Variants in UGGT1 observed in about 807,000 individuals in gnomAD.
UGGT1 encodes UDP-glucose glycoprotein glucosyltransferase 1.
A neutral mutation model predicts 203.9 loss-of-function variants in UGGT1; 107 were observed. That is an observed-to-expected ratio of 0.52 (90% CI 0.45 to 0.62). The LOEUF is 0.62. Among genes scored for constraint, UGGT1 ranks in the 20% least tolerant of loss-of-function variants. UGGT1 has a pLI of 0.00. For missense variants in UGGT1, 1,673 were observed against 1,867.2 expected, an observed-to-expected ratio of 0.90 and a Z score of 1.92; for synonymous variants, 628 against 653.5, an observed-to-expected ratio of 0.96 and a Z score of 0.59.
chr2:128,192,805 T>A lies in UGGT1; in HGVS notation c.*3063T>A, dbSNP rs1692330862. On this transcript the variant is annotated 3_prime_UTR_variant, in exon 41 of 41. Coordinates refer to ENST00000259253, the MANE Select transcript of UGGT1 (RefSeq NM_020120.4). ...ACATCTGTCATTGTTGCATTTCGAA[T>A]TGAACACATAGATGCTTGCCTGTCT... 1 of 152,090 alleles carries A rather than the reference T, an allele frequency of 6.6e-6. No homozygotes were observed. Among genetic ancestry groups the A allele is most frequent in the South Asian group, 2.1e-4 (1 of 4,830 alleles). 9.4% of individuals were successfully genotyped at this position (152,090 alleles called of 1,614,324 possible).
intron 13 of UGGT1, among the ~76,000 whole-genome samples, chr2:128,132,717 G>C (rs1385448307): frequency 6.6e-6 from 1 of 151,650 alleles, no homozygotes; most frequent in East Asian, 1.9e-4. Flanking sequence ...TATCTTTTTT[G>C]TTTGTTTTTT....
chr2:128,162,013 CTT>C (rs1690549928), intron 25 of UGGT1, among the ~76,000 whole-genome samples: 2 of 152,108 alleles, frequency 1.3e-5, no homozygotes, highest in African/African-American at 4.8e-5. Flanking sequence ...CCTCACAACA[CTT>C]GTAATTTTCT....
Position 128,096,182 on chromosome 2 carries a change from A to T in UGGT1, c.59-1247A>T, listed in dbSNP as rs568980320. ...AGAGGCCTGCATTCTGTGGCCATCC[A>T]CTTTGCCAGTGACCCTAGATCCCTC... On this transcript the variant is annotated intron_variant, in intron 1 of 40. Coordinates refer to ENST00000259253, the MANE Select transcript of UGGT1 (RefSeq NM_020120.4). Among the ~76,000 whole-genome samples, 273 of 152,292 alleles carry T rather than the reference A, an allele frequency of 1.8e-3. 1 individual carries two copies. Among genetic ancestry groups the T allele is most frequent in the Middle Eastern group, 6.8e-3 (2 of 294 alleles).
chr2:128,125,661 T>A (rs1688566162), intron 11 of UGGT1, among the ~76,000 whole-genome samples: 1 of 152,236 alleles, frequency 6.6e-6, no homozygotes, highest in Non-Finnish European at 1.5e-5. Flanking sequence ...TTATGTTCAA[T>A]TCACTATCTT....
intron 21 of UGGT1, 126 bp downstream of exon 21, chr2:128,156,541 T>C: frequency 1.5e-6 from 1 of 665,242 alleles, no homozygotes; most frequent in South Asian, 2.1e-5. Context: ...CAGGAAGCTA[T>C]ATCAATGTAG....
intron 8 of UGGT1, among the ~76,000 whole-genome samples, chr2:128,118,332 C>G (rs1178735643): frequency 1.3e-5 from 2 of 152,140 alleles, no homozygotes; most frequent in Non-Finnish European, 2.9e-5. Context: ...GTGGCACAAT[C>G]ACGGCTCACT....
At position 128,174,798 on chromosome 2, in the gene UGGT1, C is replaced by T. The variant is rs566613773; in HGVS notation, c.3479C>T (p.Pro1160Leu). ...GGCTACTTTCAGCTGAAAGCCAACC[C>T]AGGAGCTTGGATCCTCAGACTTAGG... ...NLGYFQLKAN[P>L]GAWILRLRKG... The change falls in exon 31 of 41, where the codon CCA (proline) becomes CTA (leucine). Residue 1160 changes from proline (P) to leucine (L), a missense_variant. By Grantham distance (98) the Pro-to-Leu change is moderately conservative (BLOSUM62 -3). This residue lies in a region of UGGT1 where 513 missense variants were observed against 684.1 expected (regional missense o/e 0.75). Transcript: ENST00000259253. 1.2e-5 allele frequency: 20 copies of T among 1,613,812 alleles called. No homozygotes were observed. The African/African-American group carries it at 1.6e-4, about 13-fold the overall frequency.
At position 128,180,762 on chromosome 2, in the gene UGGT1, C is replaced by CTT. The variant is rs1338752425; in HGVS notation, c.3901-126_3901-125dup. On this transcript the variant is annotated intron_variant, in intron 35 of 40. Transcript: ENST00000259253. ...TAGTCATGAGTGGGTCACGGCCGGT[C>CTT]TTTGTAAGACCACTGTTTTGGTAAA... The CTT allele has an allele frequency of 1.4e-5, 14 of 969,154 alleles. No individual in the cohort carries two copies. The South Asian group carries it at 2.5e-4, about 17-fold the overall frequency. 60.0% of individuals were successfully genotyped at this position (969,154 alleles called of 1,614,324 possible).
intron 11 of UGGT1, among the ~76,000 whole-genome samples, chr2:128,125,086 C>T (rs778481114): frequency 3.3e-5 from 5 of 152,106 alleles, no homozygotes; most frequent in African/African-American, 4.8e-5. Context: ...GAAAAGGATC[C>T]GTCAGTCTTC....
intron 2 of UGGT1, among the ~76,000 whole-genome samples, chr2:128,101,622 C>T (rs902455091): frequency 6.6e-6 from 1 of 152,112 alleles, no homozygotes; most frequent in Admixed American, 6.6e-5. Flanking sequence ...AATTTATATT[C>T]CAGCTTTTCC....
At chr2:128,142,994 A>G (rs774161827) in intron 16 of UGGT1, 100 bp from the exon 17 acceptor site, 5 of 1,278,344 alleles carry the variant, frequency 3.9e-6, no homozygotes, top group Non-Finnish European at 5.2e-6. Context: ...AAAAAAAGAA[A>G]AATAAGTATA....
At chr2:128,157,224 TC>T (rs1200391434) in intron 21 of UGGT1, 27 bp from the exon 22 acceptor site, 1 of 1,518,700 alleles carries the variant, frequency 6.6e-7, no homozygotes, top group Non-Finnish European at 9.1e-7. Flanking sequence ...CTCCTCTGAC[TC>T]AATTAGCTGT....
rs1220019710 is a variant in UGGT1 at position 128,127,307 on chromosome 2, AT to A, written c.1135-46del. 59 of 1,326,684 alleles carry A rather than the reference AT, an allele frequency of 4.4e-5. 1 individual carries two copies. The highest frequency in any genetic ancestry group is 5.8e-5 in the Non-Finnish European group (54 of 938,802). 82.2% of individuals were successfully genotyped at this position (1,326,684 alleles called of 1,614,324 possible). A position where few individuals can be genotyped will look rare whatever the true frequency, so the allele number is the denominator to read the frequency against. On this transcript the variant is annotated intron_variant, in intron 11 of 40. Coordinates refer to ENST00000259253, the MANE Select transcript of UGGT1 (RefSeq NM_020120.4). ...GGTAGTGAAGCCCAGAAACAATAAA[AT>A]TTTTTTTAAAACATTCTCTCACAGC...
chr2:128,110,859 G>A (rs1013701991), intron 5 of UGGT1, among the ~76,000 whole-genome samples: 22 of 152,074 alleles, frequency 1.4e-4, no homozygotes, highest in African/African-American at 5.1e-4. Context: ...ACCTCTTACC[G>A]ATGGATTTTT....
Position 128,133,145 on chromosome 2 carries a change from T to C in UGGT1, c.1382T>C (p.Val461Ala), listed in dbSNP as rs191575347. The C allele has an allele frequency of 1.2e-4, 186 of 1,613,970 alleles. No homozygotes were observed. Among genetic ancestry groups the C allele is most frequent in the Non-Finnish European group, 1.5e-4 (181 of 1,179,874 alleles). ...CTGTTGTGTTATTTTTTGTAGTGGG[T>C]CAACAACCTGGAGGTTGATAGCAGA... The part of the protein sequence containing the change: ...VDIRSPAISW[V>A]NNLEVDSRYN... The change falls in exon 14 of 41, where the codon GTC becomes GCC. Residue 461 changes from valine to alanine, a missense_variant. Physicochemically the swap from Val to Ala is moderately conservative, Grantham distance 64 (BLOSUM62 0). Around this residue, in one of 4 missense-constraint regions of UGGT1, gnomAD observed 1,073 missense variants for 1,078.7 expected, o/e 0.99. Transcript: ENST00000259253.
chr2:128,172,529 T>G (rs1573614648), intron 28 of UGGT1, 44 bp from the exon 29 acceptor site: 1 of 1,601,528 alleles, frequency 6.2e-7, no homozygotes, highest in East Asian at 2.2e-5. Flanking sequence ...TCAAGTCCTG[T>G]TGTCACATCG....
chr2:128,183,399 G>A lies in UGGT1; in HGVS notation c.4245-276G>A, dbSNP rs1347412386. Among the ~76,000 whole-genome samples, 5 of 152,178 alleles carry A rather than the reference G, an allele frequency of 3.3e-5. No individual in the cohort carries two copies. The East Asian group carries it at 9.6e-4, about 29-fold the overall frequency. ...TTGTTTATCAGTTACTATGGCTTTT[G>A]TTACTGCCGCATATGCTAGAAATCT... On this transcript the variant is annotated intron_variant, in intron 37 of 40. Coordinates refer to ENST00000259253, the MANE Select transcript of UGGT1 (RefSeq NM_020120.4).
intron 13 of UGGT1, among the ~76,000 whole-genome samples, chr2:128,129,983 G>A (rs936405585): frequency 6.6e-6 from 1 of 151,812 alleles, no homozygotes; most frequent in East Asian, 1.9e-4. Context: ...GAATAGGGCT[G>A]GGCTTGGTGG....
At chr2:128,161,361 A>C in intron 25 of UGGT1, 93 bp downstream of exon 25, 1 of 1,436,428 alleles carries the variant, frequency 7.0e-7, no homozygotes. Context: ...CATACTACAT[A>C]TCCCAAGGAG....
Sources: gnomAD v4.1 joint callset for allele counts (sites outside exome capture counted in the v4.1 genomes callset) on GRCh38, gnomAD v4.1.1 for gene constraint, gnomAD v4.1.1 regional missense constraint, MANE v1.5 for transcripts, NCBI Gene and HGNC (gene_info 2026-07-23, HGNC 2026-07-21) for gene names.